Variants in NOL4L observed in about 807,000 individuals in gnomAD.
NOL4L encodes nucleolar protein 4-like.
In NOL4L, 7 loss-of-function variants were observed where a neutral mutation model predicts 64.5. The ratio of observed to expected loss-of-function variants is 0.11; its 90% CI spans 0.06 to 0.20. The LOEUF (loss-of-function observed/expected upper bound fraction) is 0.20, where lower values mean the gene tolerates loss of function less well. Ranked by LOEUF, NOL4L falls within the 10% of genes least tolerant of loss-of-function variation. The pLI is 1.00. For missense variants in NOL4L, 680 were observed against 967.1 expected (o/e 0.70, Z 3.94); for synonymous variants, 413 against 401.0 (o/e 1.03, Z -0.36).
rs2013207608 is a variant in NOL4L, at chr20:32,453,979, G to A, written c.1120-218C>T. The A allele has an allele frequency of 1.6e-5, 9 of 580,316 alleles. No homozygotes were observed. Among genetic ancestry groups the A allele is most frequent in the African/African-American group, 5.6e-5 (3 of 53,414 alleles). 35.9% of individuals were successfully genotyped at this position (580,316 alleles called of 1,614,324 possible). On this transcript the variant is annotated intron_variant, in intron 6 of 10. Transcript: ENST00000621426. This position sits in a 1 kb window ranked among gnomAD's most constrained non-coding sequence, Gnocchi z 5.6. The stretch of plus-strand genomic sequence containing the variant: ...CTACCACCTCCCTCCCTGGGCTGCC[G>A]CAGGGAGGACCGACTGCAATAGTGT...
At chr20:32,536,805 G>GGT (rs1555805650) in intron 1 of NOL4L, among the ~76,000 whole-genome samples, 1 of 121,952 alleles carries the variant, frequency 8.2e-6, no homozygotes, top group African/African-American at 3.0e-5. Flanking sequence ...GGAGTGGGGG[G>GGT]GGGGGGGCGC....
chr20:32,543,874 G>C (rs1386950110), intron 1 of NOL4L, among the ~76,000 whole-genome samples: 1 of 152,152 alleles, frequency 6.6e-6, no homozygotes, highest in African/African-American at 2.4e-5. Flanking sequence ...TCCTGAATGA[G>C]TGATTTGTGC....
At chr20:32,469,458 G>T (rs548552649) in intron 5 of NOL4L, among the ~76,000 whole-genome samples, 1 of 150,274 alleles carries the variant, frequency 6.7e-6, no homozygotes, top group South Asian at 2.1e-4. Context: ...TGTAACCTCC[G>T]CCTCCCGGGT....
chr20:32,500,834 A>G (rs1202840834), intron 4 of NOL4L, among the ~76,000 whole-genome samples: 1 of 152,250 alleles, frequency 6.6e-6, no homozygotes, highest in Non-Finnish European at 1.5e-5. Flanking sequence ...GGCCAAAGCT[A>G]GAACAATTTG....
chr20:32,461,421 CTTTTT>C (rs869282447), intron 5 of NOL4L, among the ~76,000 whole-genome samples: 9 of 58,354 alleles, frequency 1.5e-4, no homozygotes, highest in Non-Finnish European at 2.7e-4. Context: ...CCTTTCTTTT[CTTTTT>C]TTTTTTTTTT....
At chr20:32,488,803 CTT>C (rs11470574) in intron 4 of NOL4L, among the ~76,000 whole-genome samples, 12,780 of 57,048 alleles carry the variant, frequency 0.22, 2,370 homozygotes, top group East Asian at 0.49. Context: ...TTCTTTCTTT[CTT>C]TTTCTTTCTT....
chr20:32,479,572 C>CA (rs965234119), intron 4 of NOL4L, among the ~76,000 whole-genome samples: 7 of 151,360 alleles, frequency 4.6e-5, no homozygotes, highest in South Asian at 2.1e-4. Context: ...TCTCTATTTA[C>CA]AAAAAAAAAG....
chr20:32,523,836 T>C (rs1038998301), intron 2 of NOL4L, among the ~76,000 whole-genome samples: 4 of 152,312 alleles, frequency 2.6e-5, no homozygotes, highest in South Asian at 2.1e-4. Flanking sequence ...GGGACTTCAC[T>C]GGCAGAGAGA....
At chr20:32,562,307 C>A (rs527268167) in intron 1 of NOL4L, among the ~76,000 whole-genome samples, 2 of 152,298 alleles carry the variant, frequency 1.3e-5, no homozygotes, top group Admixed American at 1.3e-4. Flanking sequence ...TCAACCTCCC[C>A]GATTAGCAGT....
At chr20:32,482,816 C>T (rs1402030094) in intron 4 of NOL4L, among the ~76,000 whole-genome samples, 2 of 150,274 alleles carry the variant, frequency 1.3e-5, no homozygotes, top group African/African-American at 2.5e-5. Context: ...CAACGCTTCC[C>T]GTCCTCACAT....
At chr20:32,579,246 C>T (rs1256254273) in intron 1 of NOL4L, among the ~76,000 whole-genome samples, 2 of 152,224 alleles carry the variant, frequency 1.3e-5, no homozygotes, top group Non-Finnish European at 2.9e-5. Flanking sequence ...GTGCCCTGCA[C>T]ACACTCCACG....
chr20:32,529,152 C>A (rs1363857890), intron 1 of NOL4L, among the ~76,000 whole-genome samples: 2 of 152,158 alleles, frequency 1.3e-5, no homozygotes, highest in African/African-American at 4.8e-5. Context: ...GGTTTGAATA[C>A]GGCCCCATCA....
At chr20:32,448,752 G>T (rs991634873) in intron 10 of NOL4L, among the ~76,000 whole-genome samples, 1 of 152,232 alleles carries the variant, frequency 6.6e-6, no homozygotes, top group Admixed American at 6.5e-5. Flanking sequence ...CACACTAGGG[G>T]TGTGCGTGTT....
intron 5 of NOL4L, among the ~76,000 whole-genome samples, chr20:32,456,820 G>C (rs2013585175): frequency 6.6e-6 from 1 of 152,120 alleles, no homozygotes; most frequent in African/African-American, 2.4e-5. Context: ...TCCTGCTGCC[G>C]GGCACTGCCT....
intron 1 of NOL4L, among the ~76,000 whole-genome samples, chr20:32,537,357 C>T (rs1423215747): frequency 6.6e-6 from 1 of 152,216 alleles, no homozygotes; most frequent in Admixed American, 6.5e-5. Context: ...GGCTCCGGGG[C>T]CTCCTAACCG....
At chr20:32,447,922 G>GAGT (rs2012463262) in intron 10 of NOL4L, 106 bp from the exon 11 acceptor site, 1 of 1,334,794 alleles carries the variant, frequency 7.5e-7, no homozygotes. Context: ...TGCCCACTGT[G>GAGT]AGTTGGGCAC....
At chr20:32,563,230 G>T (rs1979195450) in intron 1 of NOL4L, among the ~76,000 whole-genome samples, 1 of 88,082 alleles carries the variant, frequency 1.1e-5, no homozygotes, top group Non-Finnish European at 2.3e-5. Flanking sequence ...AGTGAGGAGG[G>T]AGAGTGGGGA....
intron 4 of NOL4L, among the ~76,000 whole-genome samples, chr20:32,499,730 C>T (rs1000148585): frequency 1.8e-5 from 2 of 113,924 alleles, no homozygotes; most frequent in South Asian, 2.5e-4. Context: ...CAGAGGGAGA[C>T]CTTGTCTCAA....
chr20:32,447,449 C>T lies in NOL4L; in HGVS notation c.*147G>A, dbSNP rs1334903663. On this transcript the variant is annotated 3_prime_UTR_variant, in exon 11 of 11. Coordinates refer to ENST00000621426, the MANE Select transcript of NOL4L (RefSeq NM_001256798.2). ...AAAAAAGTGTCCTTGTGCCCAAAGT[C>T]TCAGGTGCTTGGAGTGTGGCTAGAA... 3 of 602,090 alleles carry T rather than the reference C, an allele frequency of 5.0e-6. No homozygotes were observed. Among genetic ancestry groups the T allele is most frequent in the Non-Finnish European group, 5.3e-6 (2 of 379,354 alleles). 37.3% of individuals were successfully genotyped at this position (602,090 alleles called of 1,614,324 possible). A position where few individuals can be genotyped will look rare whatever the true frequency, so the allele number is the denominator to read the frequency against.
Sources: allele counts gnomAD v4.1 joint callset (sites outside exome capture counted in the v4.1 genomes callset), GRCh38; gene constraint gnomAD v4.1.1; non-coding constraint Gnocchi (gnomAD v3.1); transcripts MANE v1.5; gene names NCBI Gene and HGNC (gene_info 2026-07-23, HGNC 2026-07-21).